The following NAV2 variants were observed in gnomAD, a reference collection of about 807,000 sequenced individuals.
NAV2 encodes neuron navigator 2.
Under a neutral mutation model 223.2 loss-of-function variants are expected in NAV2, and 54 were observed. The observed-to-expected ratio is 0.24, with a 90% CI of 0.19 to 0.30. The LOEUF (loss-of-function observed/expected upper bound fraction) is 0.30, where lower values mean the gene tolerates loss of function less well. NAV2 is among the 10% of genes least tolerant of loss of function. The probability of loss-of-function intolerance (pLI) is 1.00; values close to 1 mark genes in which losing one functional copy is unlikely to be tolerated. For missense variants in NAV2, 2,806 were observed against 3,147.5 expected, an observed-to-expected ratio of 0.89 and a Z score of 2.60; for synonymous variants, 1,279 against 1,239.3, an observed-to-expected ratio of 1.03 and a Z score of -0.67.
At chr11:19,683,754 C>G (rs2048939595) in intron 1 of NAV2, among the ~76,000 whole-genome samples, 1 of 152,198 alleles carries the variant, frequency 6.6e-6, no homozygotes, top group Non-Finnish European at 1.5e-5. Flanking sequence ...TCATTCAGCC[C>G]CTGGGGTTGC....
intron 6 of NAV2, among the ~76,000 whole-genome samples, chr11:19,910,941 G>T (rs1318133198): frequency 6.6e-6 from 1 of 151,942 alleles, no homozygotes; most frequent in African/African-American, 2.4e-5. Context: ...TGAGGACAAT[G>T]ATCACTTCTC....
chr11:19,391,981 A>G (rs1849267060), intron 1 of NAV2, among the ~76,000 whole-genome samples: 2 of 152,208 alleles, frequency 1.3e-5, no homozygotes, highest in South Asian at 4.1e-4. Flanking sequence ...TAAAAAATAA[A>G]TAATGGTTAC....
chr11:19,876,010 T>C (rs1441081496), intron 4 of NAV2, among the ~76,000 whole-genome samples: 2 of 151,952 alleles, frequency 1.3e-5, no homozygotes, highest in African/African-American at 4.8e-5. Flanking sequence ...GTGCACTCAG[T>C]TTCTTATGTA....
At chr11:20,105,347 G>T in intron 34 of NAV2, 184 bp from the exon 35 acceptor site, 1 of 524,470 alleles carries the variant, frequency 1.9e-6, no homozygotes, top group Non-Finnish European at 3.3e-6. Context: ...ATGTTAGAGG[G>T]TTGGTATCAG....
intron 1 of NAV2, chr11:19,778,229 G>T (rs1401343900): frequency 2.4e-6 from 1 of 412,560 alleles, no homozygotes; most frequent in Non-Finnish European, 4.8e-6. Context: ...TTTGTGAATT[G>T]TTTTTTTATC....
intron 5 of NAV2, among the ~76,000 whole-genome samples, chr11:19,886,379 T>C (rs77799154): frequency 0.028 from 4,329 of 152,188 alleles, 81 homozygotes; most frequent in Middle Eastern, 0.058. Flanking sequence ...TGCTTCTCCA[T>C]AGAGCAAGTC....
chr11:19,670,065 A>G (rs1315359411), intron 1 of NAV2, among the ~76,000 whole-genome samples: 1 of 152,138 alleles, frequency 6.6e-6, no homozygotes, highest in Non-Finnish European at 1.5e-5. Flanking sequence ...TCTCCTTGTC[A>G]TGCCCACCCT....
At chr11:19,821,985 C>G (rs1463826715) in intron 1 of NAV2, among the ~76,000 whole-genome samples, 4 of 152,134 alleles carry the variant, frequency 2.6e-5, no homozygotes, top group African/African-American at 7.2e-5. Flanking sequence ...GTCACTTTGC[C>G]TCTTTGAGCC....
At chr11:19,791,050 C>T (rs2057482384) in intron 1 of NAV2, among the ~76,000 whole-genome samples, 1 of 152,130 alleles carries the variant, frequency 6.6e-6, no homozygotes, top group Non-Finnish European at 1.5e-5. Flanking sequence ...GATAAGGAAA[C>T]TAAGTCTCAG....
intron 1 of NAV2, among the ~76,000 whole-genome samples, chr11:19,810,864 C>A (rs2058802275): frequency 1.3e-5 from 2 of 152,168 alleles, no homozygotes; most frequent in African/African-American, 2.4e-5. Flanking sequence ...ATATATTTCT[C>A]CTTTGTACCT....
At chr11:19,710,562 TA>T (rs1196612131), upstream of NAV2, among the ~76,000 whole-genome samples, 1 of 152,246 alleles carries the variant, frequency 6.6e-6, no homozygotes, top group African/African-American at 2.4e-5. Context: ...TTTGATTCAA[TA>T]GGTCTGGGTG....
chr11:19,532,157 T>C (rs35521554), intron 1 of NAV2, among the ~76,000 whole-genome samples: 16,543 of 152,128 alleles, frequency 0.11, 983 homozygotes, highest in East Asian at 0.16. Context: ...CAGTGGAAAG[T>C]TGGGCAGTGA....
intron 19 of NAV2, among the ~76,000 whole-genome samples, chr11:20,059,795 A>G (rs1476455753): frequency 6.6e-6 from 1 of 152,234 alleles, no homozygotes; most frequent in Non-Finnish European, 1.5e-5. Flanking sequence ...AATGTGAGGT[A>G]TAGCTATAGG....
chr11:19,369,801 G>A (rs1380670953), intron 1 of NAV2, among the ~76,000 whole-genome samples: 3 of 152,100 alleles, frequency 2.0e-5, no homozygotes, highest in East Asian at 1.9e-4. Context: ...TCAGGAAATC[G>A]AAAGATAACA....
chr11:19,509,401 A>G (rs1181828854), intron 1 of NAV2, among the ~76,000 whole-genome samples: 1 of 152,156 alleles, frequency 6.6e-6, no homozygotes, highest in Non-Finnish European at 1.5e-5. Flanking sequence ...GGATAATTAC[A>G]TTATGGAGTT....
chr11:19,779,224 C>T (rs1565302399), intron 1 of NAV2, among the ~76,000 whole-genome samples: 1 of 152,170 alleles, frequency 6.6e-6, no homozygotes, highest in Admixed American at 6.5e-5. Flanking sequence ...TACCCTTTCC[C>T]CATGAGGTGG....
chr11:20,086,408 A>G (rs141930189), intron 26 of NAV2, among the ~76,000 whole-genome samples: 14 of 152,290 alleles, frequency 9.2e-5, no homozygotes, highest in Non-Finnish European at 1.5e-4. Context: ...TCTCTGCTCA[A>G]TGTGACTTAA....
intron 1 of NAV2, among the ~76,000 whole-genome samples, chr11:19,400,137 G>GTGT (rs1849623678): frequency 6.6e-6 from 1 of 152,130 alleles, no homozygotes; most frequent in South Asian, 2.1e-4. Flanking sequence ...GTGAATAAGG[G>GTGT]GTAGGCAGGA....
At chr11:19,645,816 A>G (rs1016761947) in intron 1 of NAV2, among the ~76,000 whole-genome samples, 2 of 152,132 alleles carry the variant, frequency 1.3e-5, no homozygotes, top group African/African-American at 4.8e-5. Context: ...AATTATCACC[A>G]CAACGCTGGT....
Sources: gnomAD v4.1 joint callset for allele counts (sites outside exome capture counted in the v4.1 genomes callset) on GRCh38, gnomAD v4.1.1 for gene constraint, MANE v1.5 for transcripts, NCBI Gene and HGNC (gene_info 2026-07-23, HGNC 2026-07-21) for gene names.